MACROD2: variants seen among roughly 807,000 people sequenced by gnomAD.
MACROD2 encodes mono-ADP ribosylhydrolase 2.
A neutral mutation model predicts 70.4 loss-of-function variants in MACROD2; 36 were observed. The observed-to-expected ratio is 0.51, with a 90% CI of 0.39 to 0.68. MACROD2 has a LOEUF of 0.68. Ranked by LOEUF, MACROD2 falls within the 30% of genes least tolerant of loss-of-function variation. The pLI, the probability that MACROD2 is intolerant of heterozygous loss-of-function variation, is 0.00. For synonymous variants in MACROD2, 172 were observed against 178.8 expected (o/e 0.96, Z 0.30); for missense variants, 496 against 538.4 (o/e 0.92, Z 0.78).
intron 3 of MACROD2, among the ~76,000 whole-genome samples, chr20:14,444,200 A>G (rs1008585743): frequency 1.3e-5 from 2 of 152,126 alleles, no homozygotes; most frequent in Admixed American, 1.3e-4. Flanking sequence ...ACCTTGCTAA[A>G]AGGGAATAAT....
chr20:15,232,698 G>T (rs2076969410), intron 6 of MACROD2, among the ~76,000 whole-genome samples: 1 of 151,926 alleles, frequency 6.6e-6, no homozygotes, highest in South Asian at 2.1e-4. Context: ...TATCTATTCT[G>T]AACACCAGAA....
intron 8 of MACROD2, among the ~76,000 whole-genome samples, chr20:15,834,315 G>T (rs1373597221): frequency 6.6e-6 from 1 of 152,130 alleles, no homozygotes; most frequent in Non-Finnish European, 1.5e-5. Context: ...ACTCCCGTCT[G>T]GGCGACAGAG....
intron 8 of MACROD2, among the ~76,000 whole-genome samples, chr20:15,770,714 G>C (rs1374116612): frequency 6.6e-6 from 1 of 152,004 alleles, no homozygotes; most frequent in Non-Finnish European, 1.5e-5. Flanking sequence ...CCTGCCTTAG[G>C]CTGTAGGTCA....
At chr20:14,278,083 A>T (rs565094965) in intron 3 of MACROD2, among the ~76,000 whole-genome samples, 1 of 152,224 alleles carries the variant, frequency 6.6e-6, no homozygotes, top group African/African-American at 2.4e-5. Flanking sequence ...AGATCATTCA[A>T]TCAGAATTAG....
chr20:15,724,782 C>T (rs1459646041), intron 8 of MACROD2, among the ~76,000 whole-genome samples: 1 of 152,032 alleles, frequency 6.6e-6, no homozygotes, highest in Admixed American at 6.6e-5. Context: ...TTCTGCATCT[C>T]CATATAAACT....
At chr20:15,321,710 A>T (rs1004917574) in intron 6 of MACROD2, among the ~76,000 whole-genome samples, 1 of 144,568 alleles carries the variant, frequency 6.9e-6, no homozygotes, top group Non-Finnish European at 1.6e-5. Flanking sequence ...AGAAAACATT[A>T]TTTTTTGCCC....
chr20:15,993,019 C>A (rs1401808485), intron 15 of MACROD2, among the ~76,000 whole-genome samples: 2 of 152,124 alleles, frequency 1.3e-5, no homozygotes, highest in African/African-American at 4.8e-5. Context: ...AATTAACCTT[C>A]TCTAAAGATA....
In MACROD2 at chr20:15,250,694, C is replaced by T. The variant is rs73262741; in HGVS notation, c.540+20633C>T. Among the ~76,000 whole-genome samples, 985 of 152,284 alleles carry T rather than the reference C, an allele frequency of 6.5e-3. 10 individuals are homozygous for T. Among genetic ancestry groups the T allele is most frequent in the African/African-American group, 0.022 (935 of 41,556 alleles). ...TAGGGGGATCTTCCTTCTCCCTTCA[C>T]CTGAGTTACCTGCCTCCCTTCTTAT... On this transcript the variant is annotated intron_variant, in intron 6 of 17. Coordinates refer to ENST00000684519, the MANE Select transcript of MACROD2 (RefSeq NM_001351661.2).
At chr20:14,137,102 A>G (rs760489319) in intron 3 of MACROD2, among the ~76,000 whole-genome samples, 15 of 152,012 alleles carry the variant, frequency 9.9e-5, no homozygotes, top group African/African-American at 3.4e-4. Context: ...AAGCAATGCA[A>G]GAGTTAGGGG....
intron 3 of MACROD2, among the ~76,000 whole-genome samples, chr20:14,218,692 T>C (rs957855748): frequency 6.6e-6 from 1 of 152,234 alleles, no homozygotes; most frequent in African/African-American, 2.4e-5. Flanking sequence ...TTTCAAGATT[T>C]AGAGCAACTT....
At chr20:14,979,454 T>C (rs2423894) in intron 5 of MACROD2, among the ~76,000 whole-genome samples, 6,244 of 152,288 alleles carry the variant, frequency 0.041, 195 homozygotes, top group African/African-American at 0.074. Context: ...TACAGTTTTA[T>C]TATTTGTTGA....
chr20:15,601,781 C>T (rs1027739659), intron 8 of MACROD2, among the ~76,000 whole-genome samples: 6 of 152,168 alleles, frequency 3.9e-5, no homozygotes, highest in Non-Finnish European at 2.9e-5. Flanking sequence ...GTAATCTCAG[C>T]ACTTTGGGAG....
intron 3 of MACROD2, among the ~76,000 whole-genome samples, chr20:14,251,427 A>G (rs1422796174): frequency 1.3e-5 from 2 of 152,098 alleles, no homozygotes; most frequent in African/African-American, 4.8e-5. Flanking sequence ...TGTGTTTCCA[A>G]GGGTATATCT....
chr20:14,992,291 CAA>C lies in MACROD2; in HGVS notation c.419-237646_419-237645del, dbSNP rs1292720466. ...CTGATGTTCTTGCTCATAAAATAAA[CAA>C]AACACAATGGTGTCTCTATCTGTAG... On this transcript the variant is annotated intron_variant, in intron 5 of 17. Coordinates refer to ENST00000684519, the MANE Select transcript of MACROD2 (RefSeq NM_001351661.2). 5.3e-5 allele frequency among the ~76,000 whole-genome samples: 8 copies of C among 152,230 alleles called. No homozygotes were observed. The East Asian group carries it at 1.3e-3, about 26-fold the overall frequency.
chr20:15,422,159 T>C (rs1450248536), intron 6 of MACROD2, among the ~76,000 whole-genome samples: 9 of 152,110 alleles, frequency 5.9e-5, no homozygotes, highest in Non-Finnish European at 1.3e-4. Flanking sequence ...GGTTGTGATT[T>C]TGAATTTTAT....
intron 4 of MACROD2, among the ~76,000 whole-genome samples, chr20:14,564,771 CTG>C (rs1383493384): frequency 1.3e-5 from 2 of 151,836 alleles, no homozygotes; most frequent in African/African-American, 4.8e-5. Context: ...CTTTAGAAAA[CTG>C]TGGAGATTTC....
intron 5 of MACROD2, among the ~76,000 whole-genome samples, chr20:15,029,399 T>G (rs748060343): frequency 2.6e-5 from 4 of 152,220 alleles, no homozygotes; most frequent in Non-Finnish European, 5.9e-5. Flanking sequence ...AACTTTATCA[T>G]GAATTCTCCA....
chr20:15,211,300 T>G (rs748693814), intron 5 of MACROD2, among the ~76,000 whole-genome samples: 2 of 152,248 alleles, frequency 1.3e-5, no homozygotes, highest in Non-Finnish European at 2.9e-5. Context: ...GGCTAAATAA[T>G]ATTCCATTAG....
chr20:14,021,848 T>C (rs1043935317), intron 2 of MACROD2, among the ~76,000 whole-genome samples: 2 of 152,134 alleles, frequency 1.3e-5, no homozygotes, highest in Non-Finnish European at 2.9e-5. Flanking sequence ...TGGGGGACAT[T>C]CTGCTTCACG....
Sources: allele counts gnomAD v4.1 joint callset (sites outside exome capture counted in the v4.1 genomes callset), GRCh38; gene constraint gnomAD v4.1.1; transcripts MANE v1.5; gene names NCBI Gene and HGNC (gene_info 2026-07-23, HGNC 2026-07-21).